The following MDGA2 variants were observed in gnomAD, a reference collection of about 807,000 sequenced individuals.
MDGA2 encodes the protein MAM domain containing glycosylphosphatidylinositol anchor 2.
MDGA2 carries 40 observed loss-of-function variants against 117.8 expected under a neutral mutation model. The ratio of observed to expected loss-of-function variants is 0.34; its 90% CI spans 0.26 to 0.44. The LOEUF (loss-of-function observed/expected upper bound fraction) is 0.44. MDGA2 is among the 20% of genes least tolerant of loss of function. The probability of loss-of-function intolerance (pLI) is 1.00; values close to 1 mark genes in which losing one functional copy is unlikely to be tolerated. For synonymous variants in MDGA2, 452 were observed against 439.0 expected, an observed-to-expected ratio of 1.03 and a Z score of -0.37; for missense variants, 1,123 against 1,250.6, an observed-to-expected ratio of 0.90 and a Z score of 1.54.
intron 1 of MDGA2, among the ~76,000 whole-genome samples, chr14:47,489,593 G>A (rs142773104): frequency 2.3e-4 from 35 of 152,000 alleles, no homozygotes; most frequent in Non-Finnish European, 4.4e-4. Context: ...AACAGTAAAT[G>A]GACTATATAA....
intron 1 of MDGA2, among the ~76,000 whole-genome samples, chr14:47,635,697 T>C (rs986050064): frequency 4.6e-5 from 7 of 151,864 alleles, no homozygotes; most frequent in Admixed American, 4.6e-4. Context: ...GAGAAAACAA[T>C]TAACCCCCCA....
intron 7 of MDGA2, among the ~76,000 whole-genome samples, chr14:47,060,447 T>C (rs1267774108): frequency 1.3e-5 from 2 of 152,048 alleles, no homozygotes; most frequent in Non-Finnish European, 2.9e-5. Context: ...TTATCTTTCA[T>C]GATGTAAGAA....
intron 5 of MDGA2, among the ~76,000 whole-genome samples, chr14:47,106,879 C>T: frequency 7.2e-6 from 1 of 138,810 alleles, no homozygotes; most frequent in Non-Finnish European, 1.6e-5. Context: ...ACTCTGGTGC[C>T]AACTTAGACA....
chr14:47,422,796 T>C (rs1395065038), intron 1 of MDGA2, among the ~76,000 whole-genome samples: 1 of 152,170 alleles, frequency 6.6e-6, no homozygotes, highest in Non-Finnish European at 1.5e-5. Flanking sequence ...CCACAATACA[T>C]GTCTCTTCTG....
chr14:47,669,274 C>G (rs561874334), intron 1 of MDGA2, among the ~76,000 whole-genome samples: 57 of 152,026 alleles, frequency 3.7e-4, no homozygotes, highest in Non-Finnish European at 7.1e-4. Flanking sequence ...TAAGATTAAG[C>G]AAAGAAATCA....
chr14:47,244,823 T>G (rs577294193), intron 2 of MDGA2, among the ~76,000 whole-genome samples: 50 of 151,916 alleles, frequency 3.3e-4, no homozygotes, highest in Non-Finnish European at 6.0e-4. Flanking sequence ...TTTGTTCCCA[T>G]GTTCTCTTAG....
At chr14:46,842,639 T>A (rs1249746777) in intron 16 of MDGA2, among the ~76,000 whole-genome samples, 1 of 152,216 alleles carries the variant, frequency 6.6e-6, no homozygotes, top group Non-Finnish European at 1.5e-5. Flanking sequence ...TAATTGGGAT[T>A]TCTGTTAAAA....
At chr14:47,599,789 G>A (rs1196909267) in intron 1 of MDGA2, among the ~76,000 whole-genome samples, 4 of 152,096 alleles carry the variant, frequency 2.6e-5, no homozygotes, top group Non-Finnish European at 4.4e-5. Flanking sequence ...GCCAGGGCTC[G>A]GAATCAAGTC....
chr14:47,113,988 G>A (rs568950985), intron 5 of MDGA2, among the ~76,000 whole-genome samples: 36 of 152,192 alleles, frequency 2.4e-4, no homozygotes, highest in Middle Eastern at 3.4e-3. Flanking sequence ...CAGATGACAC[G>A]ATCCTACATC....
intron 3 of MDGA2, among the ~76,000 whole-genome samples, chr14:47,209,414 T>C (rs1885803730): frequency 1.3e-5 from 2 of 152,140 alleles, no homozygotes; most frequent in African/African-American, 4.8e-5. Flanking sequence ...CTAAAGGCAG[T>C]AGGAACAGGT....
At chr14:47,105,967 G>T (rs1372392483) in intron 5 of MDGA2, among the ~76,000 whole-genome samples, 1 of 20,506 alleles carries the variant, frequency 4.9e-5, no homozygotes, top group African/African-American at 4.6e-4. Flanking sequence ...GTTTCGTTCC[G>T]TGACTAGCCG....
intron 2 of MDGA2, among the ~76,000 whole-genome samples, chr14:47,241,329 C>T (rs906881863): frequency 2.0e-5 from 3 of 151,860 alleles, no homozygotes; most frequent in Admixed American, 2.0e-4. Flanking sequence ...GCTCCATGCA[C>T]TTTTAGATAA....
intron 9 of MDGA2, among the ~76,000 whole-genome samples, chr14:46,924,607 A>G (rs1232569155): frequency 6.6e-6 from 1 of 151,976 alleles, no homozygotes; most frequent in African/African-American, 2.4e-5. Flanking sequence ...GCTAATACAT[A>G]TTGCTTTCCT....
intron 7 of MDGA2, among the ~76,000 whole-genome samples, chr14:47,040,953 C>G (rs1312994893): frequency 6.6e-6 from 1 of 151,882 alleles, no homozygotes; most frequent in Non-Finnish European, 1.5e-5. Flanking sequence ...AAAGGCAGAG[C>G]AGAAGAAGAT....
chr14:47,150,595 A>C (rs1468028179), intron 3 of MDGA2, among the ~76,000 whole-genome samples: 1 of 152,102 alleles, frequency 6.6e-6, no homozygotes, highest in Non-Finnish European at 1.5e-5. Context: ...TCACAGGTGA[A>C]GATTTTAACA....
At chr14:47,442,208 C>T (rs544676380) in intron 1 of MDGA2, among the ~76,000 whole-genome samples, 1 of 152,212 alleles carries the variant, frequency 6.6e-6, no homozygotes, top group South Asian at 2.1e-4. Context: ...GGTATGTATA[C>T]ATATTTATTT....
At chr14:47,157,329 C>T (rs1883429437) in intron 3 of MDGA2, among the ~76,000 whole-genome samples, 1 of 152,056 alleles carries the variant, frequency 6.6e-6, no homozygotes, top group Non-Finnish European at 1.5e-5. Flanking sequence ...TGAAATTTTG[C>T]TTTTACTCAT....
intron 3 of MDGA2, among the ~76,000 whole-genome samples, chr14:47,178,464 C>A (rs113339103): frequency 6.6e-6 from 1 of 152,052 alleles, no homozygotes; most frequent in East Asian, 1.9e-4. Context: ...TAACTTTGGG[C>A]TCTTGGAGAT....
At chr14:46,860,013 T>A (rs1278301212) in intron 14 of MDGA2, among the ~76,000 whole-genome samples, 2 of 152,126 alleles carry the variant, frequency 1.3e-5, no homozygotes, top group South Asian at 4.1e-4. Flanking sequence ...TTATATGATA[T>A]AGAGTAGCTT....
Sources: allele counts gnomAD v4.1 joint callset (sites outside exome capture counted in the v4.1 genomes callset), GRCh38; gene constraint gnomAD v4.1.1; transcripts MANE v1.5; gene names NCBI Gene and HGNC (gene_info 2026-07-23, HGNC 2026-07-21).